ARHGAP25: variants seen among roughly 807,000 people sequenced by gnomAD.
ARHGAP25 encodes the protein rho GTPase-activating protein 25.
ARHGAP25 carries 34 observed loss-of-function variants against 71.0 expected under a neutral mutation model. That is an observed-to-expected ratio of 0.48 (90% CI 0.36 to 0.64). The LOEUF (loss-of-function observed/expected upper bound fraction) is 0.64, where lower values mean the gene tolerates loss of function less well. Among genes scored for constraint, ARHGAP25 ranks in the 30% least tolerant of loss-of-function variants. ARHGAP25 has a pLI of 0.00. For synonymous variants in ARHGAP25, 282 were observed against 296.5 expected (o/e 0.95, Z 0.50); for missense variants, 706 against 805.1 (o/e 0.88, Z 1.49).
rs1341716674 is a variant in ARHGAP25 at position 68,778,602 on chromosome 2, G to C, written c.261+3182G>C. Among the ~76,000 whole-genome samples the C allele has an allele frequency of 2.0e-5, 3 of 152,134 alleles. No homozygotes were observed. The South Asian group carries it at 6.2e-4, about 31-fold the overall frequency. On this transcript the variant is annotated intron_variant, in intron 2 of 10. Coordinates refer to ENST00000409202, the MANE Select transcript of ARHGAP25 (RefSeq NM_001007231.3). ...AATCTTGGAGCCATCAGGCGTAAGG[G>C]CCCTCACATACACTGATGATGTGTG...
intron 2 of ARHGAP25, among the ~76,000 whole-genome samples, chr2:68,723,942 T>G (rs1483477641): frequency 1.3e-5 from 2 of 152,078 alleles, no homozygotes; most frequent in African/African-American, 4.8e-5. Context: ...TGGCACCATC[T>G]CAGCTCACTG....
upstream of ARHGAP25, among the ~76,000 whole-genome samples, chr2:68,732,181 G>T (rs1402931499): frequency 6.6e-6 from 1 of 152,178 alleles, no homozygotes; most frequent in African/African-American, 2.4e-5. Context: ...CTCTGTGGTG[G>T]GGGAAGGCTG....
chr2:68,738,691 G>A (rs1675347209), intron 1 of ARHGAP25, among the ~76,000 whole-genome samples: 1 of 151,946 alleles, frequency 6.6e-6, no homozygotes, highest in African/African-American at 2.4e-5. Context: ...CATGGTGGCG[G>A]GCACCTGTAA....
intron 1 of ARHGAP25, among the ~76,000 whole-genome samples, chr2:68,752,081 C>T (rs1366797295): frequency 2.6e-5 from 4 of 152,342 alleles, no homozygotes; most frequent in African/African-American, 9.6e-5. Context: ...TTCTGGACCT[C>T]ACTTATTGTG....
intron 1 of ARHGAP25, among the ~76,000 whole-genome samples, chr2:68,742,288 T>TGA (rs1675560127): frequency 6.6e-6 from 1 of 152,188 alleles, no homozygotes; most frequent in African/African-American, 2.4e-5. Context: ...TTCCTGAGTG[T>TGA]GATGTGAATA....
chr2:68,813,283 C>G lies in ARHGAP25; in HGVS notation c.675-4C>G. On this transcript the variant is annotated splice_region_variant and splice_polypyrimidine_tract_variant and intron_variant, in intron 5 of 10. Coordinates refer to ENST00000409202, the MANE Select transcript of ARHGAP25 (RefSeq NM_001007231.3). ...TTCACAGAGCGTTGCTTATTTTCTT[C>G]CAGAGACACAGATGTGCACACTGTG... 1 of 1,601,910 alleles carries G rather than the reference C, an allele frequency of 6.2e-7. No homozygotes were observed. Among genetic ancestry groups the G allele is most frequent in the Non-Finnish European group, 8.5e-7 (1 of 1,176,440 alleles).
intron 2 of ARHGAP25, among the ~76,000 whole-genome samples, chr2:68,780,325 C>T (rs1344035585): frequency 6.6e-6 from 1 of 152,180 alleles, no homozygotes; most frequent in East Asian, 1.9e-4. Flanking sequence ...GAGGCAGACA[C>T]CTCTGTGTTT....
intron 1 of ARHGAP25, among the ~76,000 whole-genome samples, chr2:68,770,779 GCT>G (rs1313991658): frequency 6.6e-6 from 1 of 152,116 alleles, no homozygotes; most frequent in Non-Finnish European, 1.5e-5. Context: ...ATATGAAATA[GCT>G]CCCTACTACC....
chr2:68,782,448 C>A (rs1678410219), intron 3 of ARHGAP25, 128 bp downstream of exon 3: 3 of 750,558 alleles, frequency 4.0e-6, no homozygotes, highest in South Asian at 1.7e-5. Context: ...CTATTGAGAG[C>A]CCACAATGGT....
In ARHGAP25 at chr2:68,734,941, C is replaced by A; in HGVS notation, c.-259C>A. ...AACTGAAAGCAAGAAAAGCAGGGTG[C>A]TAGCCCCTGTGGGACTGAGGGTGGA... On this transcript the variant is annotated 5_prime_UTR_variant, in exon 1 of 11. An upstream open reading frame in the 5' UTR gains an earlier in-frame stop. Coordinates refer to ENST00000409202, the MANE Select transcript of ARHGAP25 (RefSeq NM_001007231.3). 1 of 560,548 alleles carries A rather than the reference C, an allele frequency of 1.8e-6. No homozygotes were observed. Among genetic ancestry groups the A allele is most frequent in the Non-Finnish European group, 3.2e-6 (1 of 315,514 alleles). 34.7% of individuals were successfully genotyped at this position (560,548 alleles called of 1,614,324 possible). A position where few individuals can be genotyped will look rare whatever the true frequency, so the allele number is the denominator to read the frequency against.
At chr2:68,745,834 A>C (rs984758712) in intron 1 of ARHGAP25, among the ~76,000 whole-genome samples, 1 of 152,194 alleles carries the variant, frequency 6.6e-6, no homozygotes, top group Non-Finnish European at 1.5e-5. Context: ...TGTCTGGTGA[A>C]GGCTCATTCT....
chr2:68,803,622 A>C (rs1480067347), intron 4 of ARHGAP25, among the ~76,000 whole-genome samples: 3 of 152,106 alleles, frequency 2.0e-5, no homozygotes, highest in Non-Finnish European at 2.9e-5. Context: ...GAAAGAGAAA[A>C]TTTCAACATA....
chr2:68,759,656 C>G (rs1367351021), intron 1 of ARHGAP25, among the ~76,000 whole-genome samples: 1 of 151,960 alleles, frequency 6.6e-6, no homozygotes, highest in Non-Finnish European at 1.5e-5. Context: ...TTCTACCAAA[C>G]GTCTAAAGAA....
chr2:68,768,700 C>T (rs2104359223), intron 1 of ARHGAP25, among the ~76,000 whole-genome samples: 1 of 152,284 alleles, frequency 6.6e-6, no homozygotes, highest in East Asian at 1.9e-4. Context: ...TTCTGGCTTT[C>T]ACTTGCACCT....
chr2:68,762,374 G>C (rs891798170), intron 1 of ARHGAP25, among the ~76,000 whole-genome samples: 1 of 152,082 alleles, frequency 6.6e-6, no homozygotes, highest in Admixed American at 6.5e-5. Flanking sequence ...AAATAAGATA[G>C]TAAATTTTAT....
chr2:68,803,320 A>C (rs934440059), intron 4 of ARHGAP25, among the ~76,000 whole-genome samples: 4 of 152,196 alleles, frequency 2.6e-5, no homozygotes, highest in Admixed American at 2.0e-4. Context: ...TCTTCAGAGA[A>C]GATCAGTAAG....
Position 68,825,440 on chromosome 2 carries a change from A to G in ARHGAP25, c.1734-547A>G, listed in dbSNP as rs527510367. 3.3e-4 allele frequency among the ~76,000 whole-genome samples: 50 copies of G among 152,224 alleles called. 1 individual carries two copies. In the South Asian group the frequency reaches 6.0e-3, roughly 18 times the overall value. ...CAAAACATTAAACGACATGAGAAAA[A>G]ACACAATAGATGTCACAAGATGGTG... On this transcript the variant is annotated intron_variant, in intron 10 of 10. Transcript: ENST00000409202.
chr2:68,790,973 A>C (rs1189886095), intron 4 of ARHGAP25, among the ~76,000 whole-genome samples: 1 of 152,042 alleles, frequency 6.6e-6, no homozygotes, highest in Non-Finnish European at 1.5e-5. Context: ...CAGCCTCCTC[A>C]AACATCCTAC....
chr2:68,769,059 C>T (rs1392149622), intron 1 of ARHGAP25, among the ~76,000 whole-genome samples: 4 of 152,264 alleles, frequency 2.6e-5, no homozygotes, highest in South Asian at 4.1e-4. Context: ...TCTCCTGCTC[C>T]TCCTTGTTCA....
Sources: gnomAD v4.1 joint callset for allele counts (sites outside exome capture counted in the v4.1 genomes callset) on GRCh38, gnomAD v4.1.1 for gene constraint, MANE v1.5 for transcripts, NCBI Gene and HGNC (gene_info 2026-07-23, HGNC 2026-07-21) for gene names.